The following ZBTB32 variants were observed in gnomAD, a reference collection of about 807,000 sequenced individuals.
ZBTB32 encodes zinc finger and BTB domain containing 32.
In ZBTB32, 28 loss-of-function variants were observed where a neutral mutation model predicts 45.3. That is an observed-to-expected ratio of 0.62 (90% CI 0.46 to 0.85). ZBTB32 has a LOEUF of 0.85. Ranked by LOEUF, ZBTB32 falls within the 40% of genes least tolerant of loss-of-function variation. The pLI, the probability that ZBTB32 is intolerant of heterozygous loss-of-function variation, is 0.00. For synonymous variants in ZBTB32, 283 were observed against 255.7 expected (o/e 1.11, Z -1.02); for missense variants, 587 against 624.4 (o/e 0.94, Z 0.64).
intron 4 of ZBTB32, 29 bp from the exon 5 acceptor site, chr19:35,715,910 G>T (rs527986982): frequency 6.2e-7 from 1 of 1,611,994 alleles, no homozygotes; most frequent in African/African-American, 1.3e-5. Context: ...AGCCTGAGCA[G>T]GGCCCCTACC....
At chr19:35,706,801 G>T (rs142372120) in intron 1 of ZBTB32, among the ~76,000 whole-genome samples, 33 of 152,314 alleles carry the variant, frequency 2.2e-4, no homozygotes, top group African/African-American at 7.9e-4. Flanking sequence ...ATGGGGCAGG[G>T]TGTTGATACC....
Position 35,715,464 on chromosome 19 carries a change from A to G in ZBTB32, c.838A>G (p.Thr280Ala), listed in dbSNP as rs1568361979. The G allele has an allele frequency of 1.3e-6, 2 of 1,565,964 alleles. No individual in the cohort carries two copies. Among genetic ancestry groups the G allele is most frequent in the African/African-American group, 1.4e-5 (1 of 73,120 alleles). Residue 280 changes from threonine to alanine, a missense_variant, in exon 3 of 7, where the codon ACC becomes GCC. Coordinates refer to ENST00000392197, the MANE Select transcript of ZBTB32 (RefSeq NM_014383.3). ...ATATGGCATTCCCTTCTACCATAGC[A>G]CCCCCACCACTGGAGCCTGGCAGGA... is the stretch of plus-strand genomic sequence containing the variant. ...PRYGIPFYHS[T>A]PTTGAWQEVW...
chr19:35,715,150 C>T lies in ZBTB32; in HGVS notation c.524C>T (p.Pro175Leu). The change falls in exon 3 of 7, where the codon CCC (proline) becomes CTC (leucine). Residue 175 changes from proline (P) to leucine (L), a missense_variant. Transcript: ENST00000392197. ...AAGCACTCGCCACCAAGAGGCAGAC[C>T]CGAGATGGCAGGAGCAACGCAGGAG... is the stretch of plus-strand genomic sequence containing the variant. ...LHKHSPPRGR[P>L]EMAGATQEAQ... The T allele has an allele frequency of 6.2e-7, 1 of 1,613,896 alleles. No homozygotes were observed. Among genetic ancestry groups the T allele is most frequent in the South Asian group, 1.1e-5 (1 of 91,068 alleles).
intron 1 of ZBTB32, 72 bp from the exon 2 acceptor site, chr19:35,712,845 G>A (rs964655547): frequency 6.6e-6 from 1 of 152,148 alleles, no homozygotes; most frequent in Non-Finnish European, 1.5e-5. Flanking sequence ...CAGGGAGAGG[G>A]AGGAGGCCAG....
rs773962385 is a variant in ZBTB32 at position 35,716,016 on chromosome 19, G to A, written c.1024+9G>A. On this transcript the variant is annotated intron_variant, in intron 5 of 6. Transcript: ENST00000392197. ...TGATCAGGGGCACACAGGTGAGTCG[G>A]GCGGGGGCACTCGTGCCTCAGCCCC... 1.9e-6 allele frequency: 3 copies of A among 1,611,472 alleles called. No homozygotes were observed. Among genetic ancestry groups the A allele is most frequent in the Non-Finnish European group, 2.5e-6 (3 of 1,179,902 alleles).
chr19:35,706,453 G>C (rs1233895256), intron 1 of ZBTB32, among the ~76,000 whole-genome samples: 1 of 151,956 alleles, frequency 6.6e-6, no homozygotes, highest in African/African-American at 2.4e-5. Context: ...AGGGCGTGGT[G>C]GCTCACACCT....
chr19:35,715,083 C>G lies in ZBTB32; in HGVS notation c.457C>G (p.Gln153Glu), dbSNP rs1305202083. The G allele has an allele frequency of 1.2e-6, 2 of 1,613,860 alleles. No individual in the cohort carries two copies. Among genetic ancestry groups the G allele is most frequent in the African/African-American group, 1.3e-5 (1 of 74,920 alleles). Reference sequence around the variant, plus strand: ...CCCTGGAGAGAAGCAGAAACCAGAACAGGTTTCTAGAACTGGTGGGAGAGA... The same window carrying G: ...CCCTGGAGAGAAGCAGAAACCAGAAGAGGTTTCTAGAACTGGTGGGAGAGA... ...GDPGEKQKPE[Q>E]VSRTGGREQE... is the part of the protein sequence containing the mutation. Residue 153 changes from glutamine to glutamate, a missense_variant, in exon 3 of 7, where the codon CAG becomes GAG. By Grantham distance (29) the Gln-to-Glu change is conservative. Coordinates refer to ENST00000392197, the MANE Select transcript of ZBTB32 (RefSeq NM_014383.3).
At chr19:35,707,490 C>A (rs1044360657) in intron 1 of ZBTB32, among the ~76,000 whole-genome samples, 1 of 151,618 alleles carries the variant, frequency 6.6e-6, no homozygotes, top group Non-Finnish European at 1.5e-5. Flanking sequence ...CTGCCTCAGC[C>A]TCCCAAGTAG....
chr19:35,705,489 A>G (rs1280378003), intron 1 of ZBTB32, among the ~76,000 whole-genome samples: 1 of 152,174 alleles, frequency 6.6e-6, no homozygotes, highest in East Asian at 1.9e-4. Context: ...TATGGAGTCC[A>G]GGTTGGATGA....
At chr19:35,711,378 G>A (rs573360634) in intron 1 of ZBTB32, among the ~76,000 whole-genome samples, 2 of 152,336 alleles carry the variant, frequency 1.3e-5, no homozygotes, top group East Asian at 3.9e-4. Context: ...TGCTTTATGT[G>A]TCTTTTATAT....
intron 1 of ZBTB32, among the ~76,000 whole-genome samples, chr19:35,712,316 G>C (rs1568359402): frequency 6.6e-6 from 1 of 152,066 alleles, no homozygotes; most frequent in Non-Finnish European, 1.5e-5. Flanking sequence ...TTCAAAATTA[G>C]CTAGGCATGG....
At chr19:35,715,680 T>A in intron 3 of ZBTB32, 77 bp from the exon 4 acceptor site, 1 of 1,513,742 alleles carries the variant, frequency 6.6e-7, no homozygotes, top group South Asian at 1.2e-5. Flanking sequence ...GGGGAGGACT[T>A]GGGATACCCC....
At position 35,716,651 on chromosome 19, in the gene ZBTB32, C is replaced by T. The variant is rs750662738; in HGVS notation, c.1363C>T (p.Leu455Phe). Reference sequence around the variant, plus strand: ...CATGCGCGGTCACTCGCCCAGCCAACTCCCGCCCGGATGGACCATCCGCTC... The same window carrying T: ...CATGCGCGGTCACTCGCCCAGCCAATTCCCGCCCGGATGGACCATCCGCTC... Reference protein sequence around the residue: ...AHMRGHSPSQLPPGWTIRSTF... With the variant: ...AHMRGHSPSQFPPGWTIRSTF... The change falls in exon 7 of 7, where the codon CTC becomes TTC. Residue 455 changes from leucine (L) to phenylalanine (F), a missense_variant. Physicochemically the swap from Leu to Phe is conservative, Grantham distance 22 (BLOSUM62 0). Coordinates refer to ENST00000392197, the MANE Select transcript of ZBTB32 (RefSeq NM_014383.3). 6.2e-6 allele frequency: 10 copies of T among 1,613,938 alleles called. No individual in the cohort carries two copies. In the South Asian group the frequency reaches 9.9e-5, roughly 16 times the overall value.
In ZBTB32 at chr19:35,715,442, T is replaced by C. The variant is rs1434231976; in HGVS notation, c.816T>C (p.Tyr272=). 3.1e-6 allele frequency: 5 copies of C among 1,591,950 alleles called. No individual in the cohort carries two copies. The highest frequency in any genetic ancestry group is 3.7e-5 in the Admixed American group (2 of 54,598). Residue 272 remains tyrosine (Y), a synonymous_variant, in exon 3 of 7, where the codon TAT becomes TAC. Transcript: ENST00000392197. ...GCATCCTGCTGATGCCGCCCAGATA[T>C]GGCATTCCCTTCTACCATAGCACCC... ...LWSILLMPPR[Y]GIPFYHSTPT...
At chr19:35,713,811 C>T (rs1037369709) in intron 2 of ZBTB32, among the ~76,000 whole-genome samples, 1 of 152,232 alleles carries the variant, frequency 6.6e-6, no homozygotes, top group African/African-American at 2.4e-5. Context: ...AAACAGCCTC[C>T]CTGTCTCCAG....
In ZBTB32 at chr19:35,714,543, T is replaced by G; in HGVS notation, c.-84T>G. 2.8e-5 allele frequency: 38 copies of G among 1,344,152 alleles called. No individual in the cohort carries two copies. The highest frequency in any genetic ancestry group is 3.7e-5 in the Non-Finnish European group (37 of 1,005,778). 83.3% of individuals were successfully genotyped at this position (1,344,152 alleles called of 1,614,324 possible). A position where few individuals can be genotyped will look rare whatever the true frequency, so the allele number is the denominator to read the frequency against. On this transcript the variant is annotated 5_prime_UTR_variant, in exon 3 of 7. Coordinates refer to ENST00000392197, the MANE Select transcript of ZBTB32 (RefSeq NM_014383.3). Reference sequence around the variant, plus strand: ...CACAGGCTTGAAATGAGATGAGATGTTCCTCCCTCCCCTTTCAACCATGGA... The same window carrying G: ...CACAGGCTTGAAATGAGATGAGATGGTCCTCCCTCCCCTTTCAACCATGGA...
Position 35,716,861 on chromosome 19 carries a change from C to A in ZBTB32, c.*109C>A. On this transcript the variant is annotated 3_prime_UTR_variant, in exon 7 of 7. Transcript: ENST00000392197. ...TACGGCGGCCTAGCAAATTCCGCCC[C>A]AGAAGCGCCCCAGGAAGGGCGCCGA... The A allele has an allele frequency of 7.3e-7, 1 of 1,363,862 alleles. No homozygotes were observed. Among genetic ancestry groups the A allele is most frequent in the South Asian group, 1.4e-5 (1 of 72,304 alleles). 84.5% of individuals were successfully genotyped at this position (1,363,862 alleles called of 1,614,324 possible).
chr19:35,716,885 G>C lies in ZBTB32; in HGVS notation c.*133G>C. The C allele has an allele frequency of 9.5e-7, 1 of 1,053,982 alleles. No homozygotes were observed. Among genetic ancestry groups the C allele is most frequent in the Non-Finnish European group, 1.4e-6 (1 of 739,444 alleles). 65.3% of individuals were successfully genotyped at this position (1,053,982 alleles called of 1,614,324 possible). A position where few individuals can be genotyped will look rare whatever the true frequency, so the allele number is the denominator to read the frequency against. On this transcript the variant is annotated 3_prime_UTR_variant, in exon 7 of 7. Transcript: ENST00000392197. Reference sequence around the variant, plus strand: ...CCAGAAGCGCCCCAGGAAGGGCGCCGAGTGCCCTCTCCTGGACGATCGCGG... The same window carrying C: ...CCAGAAGCGCCCCAGGAAGGGCGCCCAGTGCCCTCTCCTGGACGATCGCGG...
intron 1 of ZBTB32, among the ~76,000 whole-genome samples, chr19:35,705,709 G>A (rs1240417964): frequency 6.6e-6 from 1 of 150,972 alleles, no homozygotes; most frequent in Non-Finnish European, 1.5e-5. Context: ...TCAGGAGCTC[G>A]AGACCAGCCT....
Sources: gnomAD v4.1 joint callset for allele counts (sites outside exome capture counted in the v4.1 genomes callset) on GRCh38, gnomAD v4.1.1 for gene constraint, MANE v1.5 for transcripts, NCBI Gene and HGNC (gene_info 2026-07-23, HGNC 2026-07-21) for gene names.